The following JCHAIN variants were observed in gnomAD, a reference collection of about 807,000 sequenced individuals.
The protein encoded by JCHAIN is joining chain of multimeric IgA and IgM, also known as immunoglobulin J chain.
Under a neutral mutation model 11.1 loss-of-function variants are expected in JCHAIN, and 5 were observed. That is an observed-to-expected ratio of 0.45 (90% CI 0.24 to 0.95). The LOEUF (loss-of-function observed/expected upper bound fraction) is 0.95, where lower values mean the gene tolerates loss of function less well. Among genes scored for constraint, JCHAIN ranks in the 40% least tolerant of loss-of-function variants. JCHAIN has a pLI of 0.21. For missense variants in JCHAIN, 165 were observed against 192.7 expected (o/e 0.86, Z 0.85); for synonymous variants, 51 against 67.8 (o/e 0.75, Z 1.22).
At chr4:70,660,630 C>T (rs1739036514) in intron 2 of JCHAIN, among the ~76,000 whole-genome samples, 1 of 152,072 alleles carries the variant, frequency 6.6e-6, no homozygotes, top group Non-Finnish European at 1.5e-5. Context: ...GTGATCCACC[C>T]GCCTCGGCCT....
At chr4:70,658,771 C>T (rs1241313011) in intron 2 of JCHAIN, among the ~76,000 whole-genome samples, 2 of 152,200 alleles carry the variant, frequency 1.3e-5, no homozygotes, top group African/African-American at 4.8e-5. Context: ...CCCACTGCCA[C>T]CCTTCTCCTC....
At chr4:70,665,930 A>G in intron 1 of JCHAIN, 1 of 313,278 alleles carries the variant, frequency 3.2e-6, no homozygotes. Flanking sequence ...ACAAAAGTTC[A>G]GTCATCAATT....
In JCHAIN at chr4:70,666,475, G is replaced by A. The variant is rs1739158049; in HGVS notation, c.16C>T (p.Leu6Phe). 1 of 1,612,830 alleles carries A rather than the reference G, an allele frequency of 6.2e-7. No individual in the cohort carries two copies. Among genetic ancestry groups the A allele is most frequent in the African/African-American group, 1.3e-5 (1 of 74,972 alleles). ...AAAACCGCCAGGACTCCCCAGAAAA[G>A]CAAATGGTTCTTCATCTTGACTTCA... MKNHLLFWGVLAVFIK... is the reference protein window; with the variant it reads MKNHLFFWGVLAVFIK... The change falls in exon 1 of 4, where the codon CTT (leucine) becomes TTT (phenylalanine). Residue 6 changes from leucine (L) to phenylalanine (F), a missense_variant. By Grantham distance (22) the Leu-to-Phe change is conservative. Transcript: ENST00000254801.
Position 70,656,668 on chromosome 4 carries a change from C to T in JCHAIN, c.270-129G>A. ...ACAGCAAGGGATGACTCCTTTCAGA[C>T]ATAAGCAGCTCTACAATACAGAATA... On this transcript the variant is annotated intron_variant, in intron 3 of 3. Transcript: ENST00000254801. 4 of 667,806 alleles carry T rather than the reference C, an allele frequency of 6.0e-6. No homozygotes were observed. The South Asian group carries it at 7.1e-5, about 12-fold the overall frequency. The allele number at this position is 667,806 out of a possible 1,614,324, so 41.4% of individuals were successfully genotyped here. A position where few individuals can be genotyped will look rare whatever the true frequency, so the allele number is the denominator to read the frequency against.
chr4:70,659,575 A>G (rs1292225372), intron 2 of JCHAIN, among the ~76,000 whole-genome samples: 1 of 146,918 alleles, frequency 6.8e-6, no homozygotes, highest in African/African-American at 2.5e-5. Context: ...AAAAAAAAAA[A>G]AAAAAGCCAG....
rs774390232 is a variant in JCHAIN, at chr4:70,655,602, T to C, written c.*727A>G. On this transcript the variant is annotated 3_prime_UTR_variant, in exon 4 of 4. Transcript: ENST00000254801. ...TAGAGAATACGTACCATGAAATACA[T>C]ATATTTCATAAGGTTCAGTTACAAA... 6.6e-6 allele frequency: 1 copy of C among 152,226 alleles called. No homozygotes were observed. Among genetic ancestry groups the C allele is most frequent in the Non-Finnish European group, 1.5e-5 (1 of 68,036 alleles). The allele number at this position is 152,226 out of a possible 1,614,324, so 9.4% of individuals were successfully genotyped here.
chr4:70,661,152 T>C (rs1020421405), intron 2 of JCHAIN, among the ~76,000 whole-genome samples: 1 of 152,182 alleles, frequency 6.6e-6, no homozygotes, highest in East Asian at 1.9e-4. Flanking sequence ...GGAGATTTGA[T>C]TGGGGAAAAA....
Position 70,656,210 on chromosome 4 carries a change from C to T in JCHAIN, c.*119G>A. 1.5e-6 allele frequency: 1 copy of T among 676,494 alleles called. No individual in the cohort carries two copies. Among genetic ancestry groups the T allele is most frequent in the East Asian group, 2.7e-5 (1 of 36,654 alleles). 41.9% of individuals were successfully genotyped at this position (676,494 alleles called of 1,614,324 possible). ...TGGTGGCAGGGAGTTGGTTTTACAT[C>T]ACCCAAAAAAAAAAAAAAGCCCTGG... On this transcript the variant is annotated 3_prime_UTR_variant, in exon 4 of 4. Transcript: ENST00000254801.
rs745896881 is a variant in JCHAIN, at chr4:70,657,245, A to G, written c.235T>C (p.Leu79=). ...AAATGGTACACAAATCTGGTTCTCA[A>G]TGGTGAGGTGGGATCAGAGATATTC... The part of the protein sequence containing the change: ...RENISDPTSP[L]RTRFVYHLSD... The change falls in exon 3 of 4, where the codon TTG becomes CTG. Residue 79 remains leucine (L), a synonymous_variant. Coordinates refer to ENST00000254801, the MANE Select transcript of JCHAIN (RefSeq NM_144646.4). 8 of 1,605,652 alleles carry G rather than the reference A, an allele frequency of 5.0e-6. No individual in the cohort carries two copies. Among genetic ancestry groups the G allele is most frequent in the African/African-American group, 1.3e-5 (1 of 74,736 alleles).
At chr4:70,659,171 C>CT (rs1019815675) in intron 2 of JCHAIN, among the ~76,000 whole-genome samples, 1 of 152,074 alleles carries the variant, frequency 6.6e-6, no homozygotes, top group African/African-American at 2.4e-5. Context: ...ATAATTATCC[C>CT]TTTTTTTAAA....
At position 70,656,551 on chromosome 4, in the gene JCHAIN, A is replaced by G. The variant is rs763362976; in HGVS notation, c.270-12T>C. 23 of 1,592,878 alleles carry G rather than the reference A, an allele frequency of 1.4e-5. No homozygotes were observed. The highest frequency in any genetic ancestry group is 2.7e-5 in the African/African-American group (2 of 74,478). The stretch of plus-strand genomic sequence containing the variant: ...CACATTTTTTACAGCTGAAAAGCAA[A>G]TATATGTATTAGACAATCCCCTCAA... On this transcript the variant is annotated splice_polypyrimidine_tract_variant and intron_variant, in intron 3 of 3. Transcript: ENST00000254801.
chr4:70,664,973 C>T (rs563922734), intron 1 of JCHAIN, among the ~76,000 whole-genome samples: 33 of 152,300 alleles, frequency 2.2e-4, no homozygotes, highest in Non-Finnish European at 4.1e-4. Context: ...CATTTGCTCT[C>T]ACCAACAGGC....
chr4:70,659,007 A>G (rs748412447), intron 2 of JCHAIN, among the ~76,000 whole-genome samples: 2 of 152,224 alleles, frequency 1.3e-5, no homozygotes, highest in Non-Finnish European at 2.9e-5. Flanking sequence ...CATTCGTTGA[A>G]TGAATGAATG....
intron 1 of JCHAIN, chr4:70,665,948 A>C (rs1739145699): frequency 1.1e-5 from 3 of 276,282 alleles, no homozygotes; most frequent in South Asian, 9.8e-5. Flanking sequence ...ATTTATAGGC[A>C]ACCTGTATAA....
chr4:70,664,869 A>T (rs2148529490), intron 1 of JCHAIN, among the ~76,000 whole-genome samples: 1 of 152,340 alleles, frequency 6.6e-6, no homozygotes, highest in East Asian at 1.9e-4. Context: ...GGAAGTTAAT[A>T]TAGAAAAATA....
intron 2 of JCHAIN, among the ~76,000 whole-genome samples, chr4:70,657,952 T>G (rs1738982025): frequency 6.6e-6 from 1 of 152,094 alleles, no homozygotes; most frequent in African/African-American, 2.4e-5. Flanking sequence ...TGTCAACGAG[T>G]TCAGGTGATT....
At position 70,666,453 on chromosome 4, in the gene JCHAIN, A is replaced by G. The variant is rs1385144763; in HGVS notation, c.38T>C (p.Val13Ala). The G allele has an allele frequency of 6.2e-7, 1 of 1,613,058 alleles. No homozygotes were observed. Among genetic ancestry groups the G allele is most frequent in the Admixed American group, 1.7e-5 (1 of 60,024 alleles). ...NHLLFWGVLA[V>A]FIKAVHVKAQ... is the part of the protein sequence containing the mutation. Reference sequence around the variant, plus strand: ...TTTCACATGAACAGCCTTAATAAAAACCGCCAGGACTCCCCAGAAAAGCAA... The same window carrying G: ...TTTCACATGAACAGCCTTAATAAAAGCCGCCAGGACTCCCCAGAAAAGCAA... Residue 13 changes from valine (V) to alanine (A), a missense_variant, in exon 1 of 4, where the codon GTT (valine) becomes GCT (alanine). Val to Ala is a moderately conservative substitution (Grantham distance 64, BLOSUM62 0). Transcript: ENST00000254801.
intron 1 of JCHAIN, among the ~76,000 whole-genome samples, chr4:70,663,765 T>G (rs935268918): frequency 6.6e-6 from 1 of 151,050 alleles, no homozygotes; most frequent in Admixed American, 6.6e-5. Flanking sequence ...TTCACCATGT[T>G]GGTTAGGCTG....
chr4:70,664,392 T>C (rs1396122888), intron 1 of JCHAIN, among the ~76,000 whole-genome samples: 1 of 152,090 alleles, frequency 6.6e-6, no homozygotes, highest in East Asian at 1.9e-4. Context: ...TCAGAATAGT[T>C]ATAATTTTAA....
Sources: gnomAD v4.1 joint callset for allele counts (sites outside exome capture counted in the v4.1 genomes callset) on GRCh38, gnomAD v4.1.1 for gene constraint, MANE v1.5 for transcripts, NCBI Gene and HGNC (gene_info 2026-07-23, HGNC 2026-07-21) for gene names.